The following PITPNC1 variants were observed in gnomAD, a reference collection of about 807,000 sequenced individuals.
PITPNC1 encodes the protein phosphatidylinositol transfer protein cytoplasmic 1.
Under a neutral mutation model 44.7 loss-of-function variants are expected in PITPNC1, and 18 were observed. That is an observed-to-expected ratio of 0.40 (90% CI 0.28 to 0.60). The LOEUF (loss-of-function observed/expected upper bound fraction) is 0.60. Ranked by LOEUF, PITPNC1 falls within the 20% of genes least tolerant of loss-of-function variation. The pLI is 0.39. For missense variants in PITPNC1, 290 were observed against 418.4 expected (o/e 0.69, Z 2.68); for synonymous variants, 141 against 149.6 (o/e 0.94, Z 0.42).
At chr17:67,532,228 G>T (rs1363184120) in intron 1 of PITPNC1, among the ~76,000 whole-genome samples, 1 of 152,194 alleles carries the variant, frequency 6.6e-6, no homozygotes, top group Non-Finnish European at 1.5e-5. Context: ...CACTCATGGG[G>T]GAGCCGGGGC....
At chr17:67,387,689 C>G (rs968167128) in intron 1 of PITPNC1, among the ~76,000 whole-genome samples, 23 of 152,210 alleles carry the variant, frequency 1.5e-4, no homozygotes, top group Non-Finnish European at 5.9e-5. Context: ...ATAAAATAAT[C>G]TTTTCCTTAA....
At chr17:67,684,177 T>C (rs1359578336) in intron 8 of PITPNC1, among the ~76,000 whole-genome samples, 1 of 149,062 alleles carries the variant, frequency 6.7e-6, no homozygotes, top group Non-Finnish European at 1.5e-5. Flanking sequence ...AGTGACATGA[T>C]CTTGACTCAC....
chr17:67,517,077 T>A (rs2040268561), intron 1 of PITPNC1, among the ~76,000 whole-genome samples: 1 of 152,220 alleles, frequency 6.6e-6, no homozygotes, highest in South Asian at 2.1e-4. Context: ...CTGATTGTAA[T>A]GTGAAGTTCA....
intron 5 of PITPNC1, among the ~76,000 whole-genome samples, chr17:67,583,136 ACT>A (rs1353044563): frequency 6.6e-6 from 1 of 152,108 alleles, no homozygotes; most frequent in African/African-American, 2.4e-5. Context: ...AGGACAGAAC[ACT>A]CACTTCCAGA....
chr17:67,450,202 A>C (rs1267149868), intron 1 of PITPNC1, among the ~76,000 whole-genome samples: 1 of 152,168 alleles, frequency 6.6e-6, no homozygotes, highest in African/African-American at 2.4e-5. Flanking sequence ...TTTCAAATTA[A>C]TGTCTTTAGG....
intron 8 of PITPNC1, among the ~76,000 whole-genome samples, chr17:67,680,397 C>G (rs959450082): frequency 6.6e-6 from 1 of 152,072 alleles, no homozygotes; most frequent in South Asian, 2.1e-4. Flanking sequence ...GTCAGGAGTT[C>G]GAGACCAGCC....
At chr17:67,413,690 T>C (rs2038543467) in intron 1 of PITPNC1, among the ~76,000 whole-genome samples, 1 of 152,274 alleles carries the variant, frequency 6.6e-6, no homozygotes, top group East Asian at 1.9e-4. Context: ...TGCCTGGGAA[T>C]TGCATAAAGA....
intron 6 of PITPNC1, among the ~76,000 whole-genome samples, chr17:67,665,084 TTTTG>T (rs148943727): frequency 0.037 from 5,624 of 151,220 alleles, 139 homozygotes; most frequent in Non-Finnish European, 0.06. Flanking sequence ...TTTTTTGGGG[TTTTG>T]TTTGTTTGTT....
intron 2 of PITPNC1, among the ~76,000 whole-genome samples, chr17:67,550,190 C>G (rs2040741119): frequency 6.6e-6 from 1 of 152,178 alleles, no homozygotes; most frequent in African/African-American, 2.4e-5. Flanking sequence ...GTGAAAAATT[C>G]TGCATCAGAG....
chr17:67,615,632 G>A (rs992735449), intron 5 of PITPNC1, among the ~76,000 whole-genome samples: 11 of 152,112 alleles, frequency 7.2e-5, no homozygotes, highest in African/African-American at 1.9e-4. Context: ...GGCACACACC[G>A]AACACCGAGG....
At chr17:67,484,406 C>T (rs1212318965) in intron 1 of PITPNC1, among the ~76,000 whole-genome samples, 1 of 152,078 alleles carries the variant, frequency 6.6e-6, no homozygotes, top group Non-Finnish European at 1.5e-5. Flanking sequence ...TTTGTTAGTC[C>T]AAATTGGAAC....
At chr17:67,590,234 A>G (rs1278916477) in intron 5 of PITPNC1, among the ~76,000 whole-genome samples, 1 of 152,218 alleles carries the variant, frequency 6.6e-6, no homozygotes. Context: ...AAATAGAATT[A>G]AAACGAAATA....
chr17:67,491,937 C>T (rs1487648849), intron 1 of PITPNC1, among the ~76,000 whole-genome samples: 2 of 151,438 alleles, frequency 1.3e-5, no homozygotes, highest in East Asian at 3.9e-4. Context: ...TGGGAGAAGC[C>T]AAAAACTGTG....
intron 1 of PITPNC1, among the ~76,000 whole-genome samples, chr17:67,404,427 T>A (rs575823497): frequency 1.3e-5 from 2 of 152,240 alleles, no homozygotes; most frequent in African/African-American, 2.4e-5. Context: ...ACAGGCACTT[T>A]AAGATGTCAT....
At chr17:67,540,996 C>A (rs1048095268) in intron 2 of PITPNC1, among the ~76,000 whole-genome samples, 4 of 152,142 alleles carry the variant, frequency 2.6e-5, no homozygotes, top group Non-Finnish European at 4.4e-5. Context: ...GCAGATGGAT[C>A]ACTTGAGGTC....
At chr17:67,622,383 T>A (rs1448480697) in intron 5 of PITPNC1, among the ~76,000 whole-genome samples, 1 of 137,388 alleles carries the variant, frequency 7.3e-6, no homozygotes, top group Non-Finnish European at 1.5e-5. Context: ...TGTATATTCA[T>A]ATATATATAT....
chr17:67,377,442 G>T lies in PITPNC1; in HGVS notation c.-713G>T. The T allele has an allele frequency of 6.5e-6, 1 of 153,028 alleles. No individual in the cohort carries two copies. Among genetic ancestry groups the T allele is most frequent in the South Asian group, 1.8e-4 (1 of 5,634 alleles). 9.5% of individuals were successfully genotyped at this position (153,028 alleles called of 1,614,324 possible). ...CGCCAGCTTCCTCCCGCCCGCCCCT[G>T]GCAGCCGCGAGCCGAGGTTGGAGGC... On this transcript the variant is annotated 5_prime_UTR_variant, in exon 1 of 9. Transcript: ENST00000581322.
At chr17:67,664,973 A>C (rs2042401751) in intron 6 of PITPNC1, among the ~76,000 whole-genome samples, 1 of 151,758 alleles carries the variant, frequency 6.6e-6, no homozygotes, top group African/African-American at 2.4e-5. Context: ...CATTGTGTGG[A>C]TATACCATAT....
intron 1 of PITPNC1, among the ~76,000 whole-genome samples, chr17:67,390,035 C>G (rs2038114287): frequency 7.9e-6 from 1 of 127,194 alleles, no homozygotes; most frequent in African/African-American, 2.8e-5. Flanking sequence ...AGAATAGATA[C>G]CCATGTTCAG....
Sources: allele counts gnomAD v4.1 joint callset (sites outside exome capture counted in the v4.1 genomes callset), GRCh38; gene constraint gnomAD v4.1.1; transcripts MANE v1.5; gene names NCBI Gene and HGNC (gene_info 2026-07-23, HGNC 2026-07-21).